MYO16: variants seen among roughly 807,000 people sequenced by gnomAD.
The protein encoded by MYO16 is myosin XVI, also known as unconventional myosin-XVI.
Under a neutral mutation model 205.3 loss-of-function variants are expected in MYO16, and 94 were observed. The observed-to-expected ratio is 0.46, with a 90% CI of 0.39 to 0.54. MYO16 has a LOEUF of 0.54. MYO16 is among the 20% of genes least tolerant of loss of function. The pLI is 0.00. For missense variants in MYO16, 2,315 were observed against 2,387.5 expected (o/e 0.97, Z 0.63); for synonymous variants, 988 against 954.0 (o/e 1.04, Z -0.66).
intron 1 of MYO16, among the ~76,000 whole-genome samples, chr13:108,664,584 G>T (rs1206851674): frequency 1.3e-5 from 2 of 152,184 alleles, no homozygotes; most frequent in Non-Finnish European, 2.9e-5. Context: ...TATACCCTTA[G>T]TATATAATCT....
rs552533660 is a variant in MYO16, at chr13:108,755,473, C to T, written c.507+27890C>T. On this transcript the variant is annotated intron_variant, in intron 4 of 34. Coordinates refer to ENST00000457511, the MANE Select transcript of MYO16 (RefSeq NM_001198950.3). Reference sequence around the variant, plus strand: ...CAGTATATTTTTGAGTAAGAAAACACATCATTTTATCTTAACTTTAACATA... The same window carrying T: ...CAGTATATTTTTGAGTAAGAAAACATATCATTTTATCTTAACTTTAACATA... Among the ~76,000 whole-genome samples the T allele has an allele frequency of 7.9e-4, 120 of 151,450 alleles. 1 individual carries two copies. The highest frequency in any genetic ancestry group is 1.2e-3 in the Non-Finnish European group (82 of 67,944).
At chr13:109,195,128 T>G (rs944369613) in intron 34 of MYO16, among the ~76,000 whole-genome samples, 3 of 152,080 alleles carry the variant, frequency 2.0e-5, no homozygotes, top group Non-Finnish European at 2.9e-5. Context: ...AGTTGTTGAT[T>G]TTTTTTAAGA....
rs1336504996 is a variant in MYO16 at position 109,141,328 on chromosome 13, A to G, written c.5116A>G (p.Ser1706Gly). 2 of 1,569,692 alleles carry G rather than the reference A, an allele frequency of 1.3e-6. No homozygotes were observed. The highest frequency in any genetic ancestry group is 2.3e-5 in the South Asian group (2 of 86,008). The change falls in exon 32 of 35, where the codon AGT (serine) becomes GGT (glycine). Residue 1706 changes from serine (S) to glycine (G), a missense_variant. By Grantham distance (56) the Ser-to-Gly change is moderately conservative. Around this residue, in one of 3 missense-constraint regions of MYO16, gnomAD observed 1,097 missense variants for 1,092.0 expected, o/e 1.00. Transcript: ENST00000457511. This position sits in a 1 kb window ranked among gnomAD's most constrained non-coding sequence, Gnocchi z 4.1. Reference protein sequence around the residue: ...ELASLFNSGRSVLRKSAAGRK... With the variant: ...ELASLFNSGRGVLRKSAAGRK... ...CGCCAGCCTCTTCAACTCGGGGAGG[A>G]GTGTGCTTCGGAAATCCGCGGCGGG...
chr13:109,022,934 T>C (rs536290742), intron 23 of MYO16, among the ~76,000 whole-genome samples: 5 of 134,312 alleles, frequency 3.7e-5, no homozygotes, highest in Non-Finnish European at 7.6e-5. Flanking sequence ...TATATACACA[T>C]GTAAATATAT....
intron 4 of MYO16, among the ~76,000 whole-genome samples, chr13:108,744,799 A>T (rs1885009498): frequency 6.6e-6 from 1 of 152,234 alleles, no homozygotes. Context: ...AATTTGAAAG[A>T]GGCTATTCAG....
chr13:108,577,719 A>G, the MYO16 span, among the ~76,000 whole-genome samples: 8 of 152,240 alleles, frequency 5.3e-5, no homozygotes, highest in Admixed American at 2.6e-4. Context: ...AGACATACTT[A>G]TAGTCCCATT....
chr13:108,666,213 T>C (rs1471221535), intron 2 of MYO16, 64 bp downstream of exon 2: 17 of 1,491,778 alleles, frequency 1.1e-5, no homozygotes, highest in Non-Finnish European at 1.5e-5. Flanking sequence ...TTTTGTTGGT[T>C]TGTTGTTTTT....
intron 9 of MYO16, among the ~76,000 whole-genome samples, chr13:108,837,531 ACAAAAC>A (rs1328478650): frequency 1.3e-5 from 2 of 152,236 alleles, no homozygotes; most frequent in Non-Finnish European, 2.9e-5. Flanking sequence ...TATTAAGAAT[ACAAAAC>A]TGTAGGGCTT....
At position 109,140,649 on chromosome 13, in the gene MYO16, G is replaced by A. The variant is rs1594119095; in HGVS notation, c.4437G>A (p.Pro1479=). The stretch of plus-strand genomic sequence containing the variant: ...CCTTCCTGCTCCACGGCGCATCGCC[G>A]CCCCTGCTCCACCGCGCGCCGGAGG... The part of the protein sequence containing the change: ...AGSFLLHGAS[P]PLLHRAPEDE... Residue 1479 remains proline, a synonymous_variant, in exon 32 of 35, where the codon CCG becomes CCA. Transcript: ENST00000457511. This position sits in a 1 kb window ranked among gnomAD's most constrained non-coding sequence, Gnocchi z 8.0. 3 of 1,504,000 alleles carry A rather than the reference G, an allele frequency of 2.0e-6. No individual in the cohort carries two copies. Among genetic ancestry groups the A allele is most frequent in the East Asian group, 2.8e-5 (1 of 35,926 alleles). The allele number at this position is 1,504,000 out of a possible 1,614,324, so 93.2% of individuals were successfully genotyped here.
chr13:109,129,517 T>G (rs996483989), intron 31 of MYO16, among the ~76,000 whole-genome samples: 4 of 152,142 alleles, frequency 2.6e-5, no homozygotes, highest in African/African-American at 4.8e-5. Context: ...GCACCCTCCC[T>G]GAGAAAGCGG....
chr13:109,051,044 A>G (rs76684192), intron 24 of MYO16, among the ~76,000 whole-genome samples: 5,258 of 152,238 alleles, frequency 0.035, 131 homozygotes, highest in South Asian at 0.057. Context: ...CTACTGGTGT[A>G]TGATTGCTTT....
chr13:109,166,682 A>G (rs935256303), intron 33 of MYO16: 2 of 152,248 alleles, frequency 1.3e-5, no homozygotes, highest in Non-Finnish European at 2.9e-5. Flanking sequence ...TCTTCCCAAG[A>G]GAAATGACAG....
At position 108,869,731 on chromosome 13, in the gene MYO16, TAAAAAAAAAA is replaced by T. The variant is rs68025820; in HGVS notation, c.1425+3509_1425+3518del. Among the ~76,000 whole-genome samples the T allele has an allele frequency of 3.4e-3, 226 of 67,030 alleles. 5 individuals carry two copies. Among genetic ancestry groups the T allele is most frequent in the East Asian group, 0.011 (39 of 3,514 alleles). 44.0% of individuals were successfully genotyped at this position (67,030 alleles called of 152,430 possible). The stretch of plus-strand genomic sequence containing the variant: ...GGGCGACAGAGCGAGACTCCGTTTC[TAAAAAAAAAA>T]AAAAAAAAAAAAAAAAAAAGAAACC... On this transcript the variant is annotated intron_variant, in intron 12 of 34. Transcript: ENST00000457511.
At chr13:108,855,258 T>C in intron 10 of MYO16, 185 bp from the exon 11 acceptor site, 1 of 412,770 alleles carries the variant, frequency 2.4e-6, no homozygotes, top group South Asian at 5.9e-5. Flanking sequence ...TCTGAATACA[T>C]TGCTCTGTGG....
intron 27 of MYO16, among the ~76,000 whole-genome samples, chr13:109,078,615 T>C (rs1888189575): frequency 2.0e-5 from 3 of 152,122 alleles, no homozygotes; most frequent in African/African-American, 7.2e-5. Context: ...AGTACCAGAG[T>C]TTTAATTTGT....
At chr13:108,877,842 G>A (rs550864575) in intron 12 of MYO16, among the ~76,000 whole-genome samples, 48 of 152,124 alleles carry the variant, frequency 3.2e-4, no homozygotes, top group African/African-American at 8.7e-4. Flanking sequence ...TAGTAAGATC[G>A]CTCCATCATT....
At chr13:108,601,954 G>A (rs375704682) in intron 1 of MYO16, among the ~76,000 whole-genome samples, 72 of 152,092 alleles carry the variant, frequency 4.7e-4, no homozygotes, top group African/African-American at 1.5e-3. Flanking sequence ...ATGTTGAACC[G>A]AAATCCCCAG....
At chr13:108,518,955 A>G in the MYO16 span, among the ~76,000 whole-genome samples, 1 of 152,246 alleles carries the variant, frequency 6.6e-6, no homozygotes, top group African/African-American at 2.4e-5. Flanking sequence ...TATCATGCCA[A>G]AGGATGCACA....
intron 6 of MYO16, among the ~76,000 whole-genome samples, chr13:108,800,605 G>A (rs897124579): frequency 6.6e-6 from 1 of 152,126 alleles, no homozygotes; most frequent in Non-Finnish European, 1.5e-5. Context: ...TAAAAATCCT[G>A]TGTTAGTGTT....
Sources: gnomAD v4.1 joint callset for allele counts (sites outside exome capture counted in the v4.1 genomes callset) on GRCh38, gnomAD v4.1.1 for gene constraint, gnomAD v4.1.1 regional missense constraint, Gnocchi (gnomAD v3.1) non-coding constraint, MANE v1.5 for transcripts, NCBI Gene and HGNC (gene_info 2026-07-23, HGNC 2026-07-21) for gene names.